The following STARD13 variants were observed in gnomAD, a reference collection of about 807,000 sequenced individuals.
The protein encoded by STARD13 is stAR-related lipid transfer protein 13.
Under a neutral mutation model 106.4 loss-of-function variants are expected in STARD13, and 62 were observed. The ratio of observed to expected loss-of-function variants is 0.58; its 90% CI spans 0.48 to 0.72. The LOEUF is 0.72. STARD13 is among the 30% of genes least tolerant of loss of function. The pLI is 0.00. For synonymous variants in STARD13, 565 were observed against 553.0 expected (o/e 1.02, Z -0.31); for missense variants, 1,387 against 1,424.0 (o/e 0.97, Z 0.42).
chr13:33,485,899 C>T, the STARD13 span, among the ~76,000 whole-genome samples: 1 of 152,044 alleles, frequency 6.6e-6, no homozygotes, highest in Non-Finnish European at 1.5e-5. Flanking sequence ...TTAGACTGGG[C>T]TAAAATAAAA....
chr13:33,485,081 G>A, the STARD13 span, among the ~76,000 whole-genome samples: 79,046 of 152,060 alleles, frequency 0.52, 21,405 homozygotes, highest in African/African-American at 0.68. Flanking sequence ...TTCAAAATCA[G>A]TTATTTTGAC....
the STARD13 span, among the ~76,000 whole-genome samples, chr13:33,365,139 G>A: frequency 6.6e-6 from 1 of 152,118 alleles, no homozygotes; most frequent in East Asian, 1.9e-4. Flanking sequence ...GCTCACCTGA[G>A]CCTCAAGCAG....
the STARD13 span, among the ~76,000 whole-genome samples, chr13:33,363,422 A>G: frequency 6.6e-6 from 1 of 152,220 alleles, no homozygotes; most frequent in African/African-American, 2.4e-5. Context: ...CATGATGCCA[A>G]TGGGGTGAGA....
chr13:33,113,091 T>A, intron 8 of STARD13, 160 bp from the exon 9 acceptor site: 2 of 569,258 alleles, frequency 3.5e-6, no homozygotes, highest in African/African-American at 1.9e-5. Flanking sequence ...AAGTCAGTAA[T>A]TGCTGAGGCC....
chr13:33,490,132 A>G, the STARD13 span, among the ~76,000 whole-genome samples: 2 of 152,216 alleles, frequency 1.3e-5, no homozygotes, highest in Admixed American at 6.5e-5. Context: ...AATAGTTTAC[A>G]ACCTGATTTC....
the STARD13 span, among the ~76,000 whole-genome samples, chr13:33,493,608 A>G: frequency 6.6e-6 from 1 of 152,354 alleles, no homozygotes; most frequent in East Asian, 1.9e-4. Context: ...GGGGGTGCGC[A>G]GTATTTGGGA....
intron 1 of STARD13, among the ~76,000 whole-genome samples, chr13:33,343,012 A>G (rs923852789): frequency 6.6e-6 from 1 of 152,192 alleles, no homozygotes; most frequent in Non-Finnish European, 1.5e-5. Flanking sequence ...TCATATGCCA[A>G]TAATTCCCAC....
chr13:33,484,624 T>A, the STARD13 span, among the ~76,000 whole-genome samples: 1 of 152,160 alleles, frequency 6.6e-6, no homozygotes, highest in Non-Finnish European at 1.5e-5. Context: ...AAACCCTCAC[T>A]TCCAAAGTTT....
the STARD13 span, among the ~76,000 whole-genome samples, chr13:33,482,384 G>T: frequency 6.6e-6 from 1 of 152,106 alleles, no homozygotes; most frequent in Non-Finnish European, 1.5e-5. Context: ...TTTAACAGGT[G>T]CCTTTTCTTA....
the STARD13 span, among the ~76,000 whole-genome samples, chr13:33,458,259 G>T: frequency 4.7e-5 from 7 of 149,310 alleles, no homozygotes; most frequent in African/African-American, 1.5e-4. Context: ...AGGTTTTTTT[G>T]TTTGTTTGTT....
chr13:33,306,478 G>A lies in STARD13; in HGVS notation c.124+43812C>T, dbSNP rs191257828. 2.8e-4 allele frequency among the ~76,000 whole-genome samples: 42 copies of A among 152,226 alleles called. No individual in the cohort carries two copies. The Middle Eastern group carries it at 0.014, about 49-fold the overall frequency. ...CAACAAAAGCAAAAATTAACAAATG[G>A]TATCTAATTAAACTAAAGAGCTTCT... On this transcript the variant is annotated intron_variant, in intron 1 of 5. Coordinates refer to the STARD13 transcript ENST00000567873.
At position 33,105,520 on chromosome 13, in the gene STARD13, A is replaced by T; in HGVS notation, c.*73T>A. ...CAGTTCCTCTTTCTCTCGCTTTCTC[A>T]CATGCACACTCTCTGCCACACTCGT... is the stretch of plus-strand genomic sequence containing the variant. On this transcript the variant is annotated 3_prime_UTR_variant, in exon 14 of 14. Transcript: ENST00000336934. The T allele has an allele frequency of 9.6e-7, 1 of 1,046,884 alleles. No individual in the cohort carries two copies. Among genetic ancestry groups the T allele is most frequent in the Non-Finnish European group, 1.5e-6 (1 of 669,376 alleles). 64.8% of individuals were successfully genotyped at this position (1,046,884 alleles called of 1,614,324 possible).
At chr13:33,619,372 A>T in the STARD13 span, among the ~76,000 whole-genome samples, 1 of 151,214 alleles carries the variant, frequency 6.6e-6, no homozygotes. Context: ...CAGAAAAAAT[A>T]TGAATTTTTC....
At chr13:33,380,055 C>T in the STARD13 span, among the ~76,000 whole-genome samples, 1 of 152,160 alleles carries the variant, frequency 6.6e-6, no homozygotes, top group Non-Finnish European at 1.5e-5. Flanking sequence ...AGTTACTTAT[C>T]AGACAGATGT....
the STARD13 span, among the ~76,000 whole-genome samples, chr13:33,654,290 A>G: frequency 2.6e-5 from 4 of 152,256 alleles, no homozygotes; most frequent in Non-Finnish European, 4.4e-5. Context: ...TCAACCATAA[A>G]AAAGCATAAA....
intron 1 of STARD13, among the ~76,000 whole-genome samples, chr13:33,215,066 T>C (rs1887951998): frequency 7.4e-6 from 1 of 135,166 alleles, no homozygotes. Flanking sequence ...AGAAAATGCT[T>C]TGCCCAGCTT....
the STARD13 span, among the ~76,000 whole-genome samples, chr13:33,359,141 A>G: frequency 1.1e-4 from 4 of 35,358 alleles, no homozygotes; most frequent in African/African-American, 1.8e-4. Context: ...CACACTGTGG[A>G]AGCGTTGTTT....
the STARD13 span, among the ~76,000 whole-genome samples, chr13:33,417,454 C>T: frequency 6.6e-6 from 1 of 152,102 alleles, no homozygotes; most frequent in Non-Finnish European, 1.5e-5. Flanking sequence ...CATGTCCGCA[C>T]AAAAACCAGT....
chr13:33,111,709 AACAATCCC>A, intron 10 of STARD13, 61 bp downstream of exon 10: 1 of 924,784 alleles, frequency 1.1e-6, no homozygotes, highest in South Asian at 1.4e-5. Context: ...TAAATGTAGC[AACAATCCC>A]AAGCGTCTTA....
Sources: allele counts gnomAD v4.1 joint callset (sites outside exome capture counted in the v4.1 genomes callset), GRCh38; gene constraint gnomAD v4.1.1; transcripts MANE v1.5; gene names NCBI Gene and HGNC (gene_info 2026-07-23, HGNC 2026-07-21).